MAPRE3: variants seen among roughly 807,000 people sequenced by gnomAD.
MAPRE3 encodes the protein microtubule associated protein RP/EB family member 3, also known as microtubule-associated protein RP/EB family member 3.
MAPRE3 carries 2 observed loss-of-function variants against 30.5 expected under a neutral mutation model. The observed-to-expected ratio is 0.07, with a 90% CI of 0.03 to 0.21. The LOEUF (loss-of-function observed/expected upper bound fraction) is 0.21. Ranked by LOEUF, MAPRE3 falls within the 10% of genes least tolerant of loss-of-function variation. The probability of loss-of-function intolerance (pLI) is 1.00; values close to 1 mark genes in which losing one functional copy is unlikely to be tolerated. For missense variants in MAPRE3, 204 were observed against 351.8 expected (o/e 0.58, Z 3.36); for synonymous variants, 110 against 127.7 (o/e 0.86, Z 0.93).
At chr2:27,020,019 G>A (rs927214007) in intron 1 of MAPRE3, among the ~76,000 whole-genome samples, 1 of 152,210 alleles carries the variant, frequency 6.6e-6, no homozygotes, top group Non-Finnish European at 1.5e-5. Context: ...GTCTGGGGGA[G>A]GACAAGAGAA....
intron 2 of MAPRE3, 108 bp from the exon 3 acceptor site, chr2:27,023,223 TG>T: frequency 8.0e-7 from 1 of 1,245,278 alleles, no homozygotes. Flanking sequence ...GACTGGTCCC[TG>T]GCCCAGAACA....
At position 27,025,597 on chromosome 2, in the gene MAPRE3, T is replaced by C. The variant is rs774010624; in HGVS notation, c.484T>C (p.Ser162Pro). The C allele has an allele frequency of 6.3e-7, 1 of 1,581,824 alleles. No homozygotes were observed. Reference sequence around the variant, plus strand: ...CCTCTGGGCAGTTCCACAGAGGACGTCCCCCACAGGCCCAAAAAACATGCA... The same window carrying C: ...CCTCTGGGCAGTTCCACAGAGGACGCCCCCCACAGGCCCAAAAAACATGCA... The part of the protein sequence containing the change: ...LIGTAVPQRT[S>P]PTGPKNMQTS... The change falls in exon 5 of 7, where the codon TCC becomes CCC. Residue 162 changes from serine (S) to proline (P), a missense_variant. By Grantham distance (74) the Ser-to-Pro change is moderately conservative. Coordinates refer to ENST00000233121, the MANE Select transcript of MAPRE3 (RefSeq NM_012326.4).
At position 27,008,298 on chromosome 2, in the gene MAPRE3, G is replaced by A. The variant is rs115859342; in HGVS notation, c.-7-13914G>A. Among the ~76,000 whole-genome samples, 1,006 of 152,268 alleles carry A rather than the reference G, an allele frequency of 6.6e-3. 9 individuals are homozygous for A. The highest frequency in any genetic ancestry group is 0.023 in the African/African-American group (961 of 41,546). On this transcript the variant is annotated intron_variant, in intron 1 of 6. Coordinates refer to ENST00000233121, the MANE Select transcript of MAPRE3 (RefSeq NM_012326.4). ...TAGCGTAAATGCATTTAAGAAGCGA[G>A]AGTCTTCTGGGCTGGGCACAGTGGC...
chr2:27,005,069 C>T (rs951178871), intron 1 of MAPRE3, among the ~76,000 whole-genome samples: 10 of 152,140 alleles, frequency 6.6e-5, no homozygotes, highest in African/African-American at 2.2e-4. Flanking sequence ...AATGAGCACT[C>T]ATAAACTTCT....
intron 1 of MAPRE3, among the ~76,000 whole-genome samples, chr2:27,021,233 G>A (rs1426193692): frequency 6.6e-6 from 1 of 152,190 alleles, no homozygotes; most frequent in Non-Finnish European, 1.5e-5. Flanking sequence ...ATTCCCTCAT[G>A]AATACCAAGG....
At chr2:27,001,114 C>T (rs921598577) in intron 1 of MAPRE3, among the ~76,000 whole-genome samples, 1 of 152,160 alleles carries the variant, frequency 6.6e-6, no homozygotes, top group Non-Finnish European at 1.5e-5. Context: ...TATTTTTGTT[C>T]TGTAATACAA....
intron 1 of MAPRE3, among the ~76,000 whole-genome samples, chr2:27,006,571 C>T (rs376991904): frequency 6.6e-6 from 1 of 152,302 alleles, no homozygotes; most frequent in South Asian, 2.1e-4. Flanking sequence ...GCTGGGACTA[C>T]AGGCATGTGC....
At chr2:27,014,482 G>A (rs928673354) in intron 1 of MAPRE3, 2 of 152,234 alleles carry the variant, frequency 1.3e-5, no homozygotes, top group Non-Finnish European at 1.5e-5. Context: ...CAAAATCCTG[G>A]AGGAGTTTCA....
At position 27,024,283 on chromosome 2, in the gene MAPRE3, T is replaced by C. The variant is rs750037330; in HGVS notation, c.455T>C (p.Leu152Pro). 1.2e-6 allele frequency: 2 copies of C among 1,613,654 alleles called. No homozygotes were observed. The highest frequency in any genetic ancestry group is 1.7e-5 in the Admixed American group (1 of 59,996). The change falls in exon 4 of 7, where the codon CTC becomes CCC. Residue 152 changes from leucine to proline, a missense_variant. Around this residue, in one of 5 missense-constraint regions of MAPRE3, gnomAD observed 101 missense variants for 205.4 expected, o/e 0.49. Coordinates refer to ENST00000233121, the MANE Select transcript of MAPRE3 (RefSeq NM_012326.4). ...CAGATCTTCAACAAATCCAAGAAAC[T>C]CATTGGCACAGCAGGTAACGTGCCC... ...GDQIFNKSKK[L>P]IGTAVPQRTS... is the part of the protein sequence containing the mutation.
At chr2:27,004,895 C>T (rs1360717865) in intron 1 of MAPRE3, among the ~76,000 whole-genome samples, 1 of 151,676 alleles carries the variant, frequency 6.6e-6, no homozygotes, top group South Asian at 2.1e-4. Context: ...GGTTCTCAAA[C>T]TCGACAGCCC....
chr2:27,000,906 C>G (rs1037328300), intron 1 of MAPRE3, among the ~76,000 whole-genome samples: 1 of 152,242 alleles, frequency 6.6e-6, no homozygotes, highest in Non-Finnish European at 1.5e-5. Flanking sequence ...CAAGATTTAT[C>G]CAATTATTTA....
intron 1 of MAPRE3, chr2:27,001,965 A>G (rs1472937194): frequency 1.3e-5 from 2 of 152,260 alleles, no homozygotes; most frequent in African/African-American, 4.8e-5. Context: ...CTCGTGAGGC[A>G]GGAGTCTGAA....
intron 1 of MAPRE3, among the ~76,000 whole-genome samples, chr2:27,020,311 A>G (rs934084932): frequency 3.9e-5 from 6 of 152,264 alleles, no homozygotes; most frequent in Admixed American, 2.6e-4. Context: ...CTGTAAGAAT[A>G]TAAGGTGTAT....
At chr2:27,016,664 G>A (rs562194354) in intron 1 of MAPRE3, among the ~76,000 whole-genome samples, 7 of 152,202 alleles carry the variant, frequency 4.6e-5, no homozygotes, top group East Asian at 3.9e-4. Context: ...GATTACAGGC[G>A]TGAGCCACCG....
intron 1 of MAPRE3, among the ~76,000 whole-genome samples, chr2:26,973,680 C>T (rs1203896873): frequency 6.6e-6 from 1 of 151,942 alleles, no homozygotes; most frequent in South Asian, 2.1e-4. Flanking sequence ...CTCAGCCTCC[C>T]GAGTAGCTGG....
At chr2:27,014,206 G>A (rs1242874024) in intron 1 of MAPRE3, 4 of 152,280 alleles carry the variant, frequency 2.6e-5, no homozygotes, top group East Asian at 3.9e-4. Flanking sequence ...TGATTTTAGC[G>A]ATGAGAAATT....
chr2:26,991,601 G>T (rs1179862040), intron 1 of MAPRE3, among the ~76,000 whole-genome samples: 1 of 152,078 alleles, frequency 6.6e-6, no homozygotes, highest in Non-Finnish European at 1.5e-5. Context: ...CTAAACAATA[G>T]AATTCCACAT....
intron 1 of MAPRE3, among the ~76,000 whole-genome samples, chr2:26,971,959 C>A (rs569331967): frequency 6.6e-6 from 1 of 152,186 alleles, no homozygotes; most frequent in Non-Finnish European, 1.5e-5. Context: ...ACCCCTCCAC[C>A]TGCCCATCTT....
intron 1 of MAPRE3, among the ~76,000 whole-genome samples, chr2:26,989,391 C>T (rs1370366023): frequency 3.3e-5 from 5 of 152,052 alleles, no homozygotes; most frequent in African/African-American, 7.2e-5. Context: ...ATCCGGAGTC[C>T]GTGCAATGCA....
Sources: allele counts gnomAD v4.1 joint callset (sites outside exome capture counted in the v4.1 genomes callset), GRCh38; gene constraint gnomAD v4.1.1; regional missense constraint gnomAD v4.1.1; transcripts MANE v1.5; gene names NCBI Gene and HGNC (gene_info 2026-07-23, HGNC 2026-07-21).